Variants in NXN observed in about 807,000 individuals in gnomAD.
The protein encoded by NXN is nucleoredoxin 1.
In NXN, 16 loss-of-function variants were observed where a neutral mutation model predicts 48.6. The ratio of observed to expected loss-of-function variants is 0.33; its 90% CI spans 0.22 to 0.50. The LOEUF (loss-of-function observed/expected upper bound fraction) is 0.50, where lower values mean the gene tolerates loss of function less well. NXN is among the 20% of genes least tolerant of loss of function. The pLI, the probability that NXN is intolerant of heterozygous loss-of-function variation, is 0.98. For synonymous variants in NXN, 281 were observed against 269.6 expected (o/e 1.04, Z -0.41); for missense variants, 492 against 605.5 (o/e 0.81, Z 1.97).
chr17:824,350 C>T (rs1216392107), intron 2 of NXN, among the ~76,000 whole-genome samples: 4 of 152,192 alleles, frequency 2.6e-5, no homozygotes, highest in Admixed American at 6.6e-5. Context: ...CCTGGCCCTT[C>T]CAGGGGCTTT....
chr17:962,018 C>G (rs900302511), intron 1 of NXN, among the ~76,000 whole-genome samples: 2 of 151,352 alleles, frequency 1.3e-5, no homozygotes, highest in African/African-American at 4.8e-5. Context: ...GCCTGTAATC[C>G]CAGCTACTCA....
intron 1 of NXN, among the ~76,000 whole-genome samples, chr17:899,496 C>A (rs1471773821): frequency 6.6e-6 from 1 of 152,120 alleles, no homozygotes; most frequent in African/African-American, 2.4e-5. Flanking sequence ...CTGAGAGCTG[C>A]AAAGAAGATA....
chr17:896,195 C>T (rs1042974007), intron 1 of NXN, among the ~76,000 whole-genome samples: 2 of 152,014 alleles, frequency 1.3e-5, no homozygotes, highest in Non-Finnish European at 2.9e-5. Flanking sequence ...AAAAAATTAG[C>T]CGGGCGTGGT....
intron 5 of NXN, among the ~76,000 whole-genome samples, chr17:811,106 A>G (rs1911968992): frequency 6.6e-6 from 1 of 152,166 alleles, no homozygotes; most frequent in African/African-American, 2.4e-5. Context: ...AGGAAGAAAG[A>G]AGGAGGCGGA....
Position 822,102 on chromosome 17 carries a change from A to G in NXN, c.713+255T>C, listed in dbSNP as rs943265962. Among the ~76,000 whole-genome samples, 5 of 151,770 alleles carry G rather than the reference A, an allele frequency of 3.3e-5. No individual in the cohort carries two copies. In the South Asian group the frequency reaches 8.3e-4, roughly 25 times the overall value. On this transcript the variant is annotated intron_variant, in intron 4 of 7. Coordinates refer to ENST00000336868, the MANE Select transcript of NXN (RefSeq NM_022463.5). ...GAGACCAGCCTGGCCAACATGGTGA[A>G]ACCCCATCTCCACTAAAAATACAAA...
chr17:832,976 C>T (rs546712919), intron 1 of NXN, among the ~76,000 whole-genome samples: 27 of 152,214 alleles, frequency 1.8e-4, no homozygotes, highest in Middle Eastern at 3.4e-3. Context: ...CTGCAAGCTC[C>T]GCCTCCTGGG....
chr17:939,990 G>A (rs1327316018), intron 1 of NXN, among the ~76,000 whole-genome samples: 1 of 151,176 alleles, frequency 6.6e-6, no homozygotes, highest in Non-Finnish European at 1.5e-5. Flanking sequence ...CTGGAGTGCA[G>A]TGGTGTGATC....
At chr17:806,906 TCACA>T (rs1567808730) in intron 5 of NXN, among the ~76,000 whole-genome samples, 1 of 146,092 alleles carries the variant, frequency 6.8e-6, no homozygotes, top group Admixed American at 6.9e-5. Context: ...CACTCCGACA[TCACA>T]CACACTCACA....
At chr17:945,800 A>C (rs546295797) in intron 1 of NXN, among the ~76,000 whole-genome samples, 36 of 152,240 alleles carry the variant, frequency 2.4e-4, no homozygotes, top group African/African-American at 8.4e-4. Context: ...TCCACTGCTT[A>C]TCTCTCTCCT....
intron 5 of NXN, among the ~76,000 whole-genome samples, chr17:806,907 CACACACACTCACAT>C (rs1383639927): frequency 1.4e-5 from 2 of 144,722 alleles, no homozygotes; most frequent in East Asian, 2.0e-4. Context: ...ACTCCGACAT[CACACACACTCACAT>C]ACACACACAC....
chr17:833,456 A>G (rs1913609658), intron 1 of NXN, among the ~76,000 whole-genome samples: 1 of 152,164 alleles, frequency 6.6e-6, no homozygotes, highest in South Asian at 2.1e-4. Context: ...CTTCAGCTTA[A>G]AGAAATGATC....
In NXN at chr17:803,979, G is replaced by A. The variant is rs907668856; in HGVS notation, c.1001-173C>T. ...TTGCTCCCCGCATGCATGGGTGTGTGTGCACATGCGTCCCAGCAGCAAAGC... is the reference window on the plus strand; with the variant it reads ...TTGCTCCCCGCATGCATGGGTGTGTATGCACATGCGTCCCAGCAGCAAAGC... On this transcript the variant is annotated intron_variant, in intron 6 of 7. Coordinates refer to ENST00000336868, the MANE Select transcript of NXN (RefSeq NM_022463.5). The A allele has an allele frequency of 2.5e-4, 186 of 742,602 alleles. 1 individual carries two copies. The highest frequency in any genetic ancestry group is 1.3e-4 in the Admixed American group (5 of 38,266). The allele number at this position is 742,602 out of a possible 1,614,324, so 46.0% of individuals were successfully genotyped here.
intron 1 of NXN, among the ~76,000 whole-genome samples, chr17:955,662 C>G (rs113896319): frequency 6.7e-6 from 1 of 149,434 alleles, no homozygotes; most frequent in Non-Finnish European, 1.5e-5. Context: ...CTCGGGAGGC[C>G]GAGGCGGGCG....
chr17:915,500 G>C (rs2068679688), intron 1 of NXN, among the ~76,000 whole-genome samples: 60 of 151,484 alleles, frequency 4.0e-4, no homozygotes, highest in Admixed American at 2.6e-4. Flanking sequence ...GCCCAGACTG[G>C]TCTCAAACTC....
intron 1 of NXN, among the ~76,000 whole-genome samples, chr17:890,248 A>C (rs1435978547): frequency 6.6e-6 from 1 of 152,162 alleles, no homozygotes; most frequent in African/African-American, 2.4e-5. Context: ...GAACATCACA[A>C]AGCACCAGCA....
rs1194860049 is a variant in NXN at position 919,737 on chromosome 17, C to T, written c.360+59582G>A. 3.3e-5 allele frequency among the ~76,000 whole-genome samples: 5 copies of T among 152,102 alleles called. No individual in the cohort carries two copies. Among genetic ancestry groups the T allele is most frequent in the South Asian group, 2.1e-4 (1 of 4,814 alleles). ...ACAACAACTGAAAATAATATTGGAACGCAGTCCAGAAAATACAACTAGGGG... is the reference window on the plus strand; with the variant it reads ...ACAACAACTGAAAATAATATTGGAATGCAGTCCAGAAAATACAACTAGGGG... On this transcript the variant is annotated intron_variant, in intron 1 of 7. Coordinates refer to ENST00000336868, the MANE Select transcript of NXN (RefSeq NM_022463.5). This position sits in a 1 kb window ranked among gnomAD's most constrained non-coding sequence, Gnocchi z 5.1.
Position 819,894 on chromosome 17 carries a change from T to C in NXN, c.714-349A>G, listed in dbSNP as rs544232584. 3.5e-4 allele frequency among the ~76,000 whole-genome samples: 53 copies of C among 152,250 alleles called. No individual in the cohort carries two copies. In the East Asian group the frequency reaches 0.01, roughly 29 times the overall value. The stretch of plus-strand genomic sequence containing the variant: ...ACAGCCACTGCATACCCGCGGGAGT[T>C]CTAATTTGTGCACGGAACAGTGACT... On this transcript the variant is annotated intron_variant, in intron 4 of 7. Transcript: ENST00000336868.
chr17:976,654 T>C (rs534606643), intron 1 of NXN, among the ~76,000 whole-genome samples: 45 of 152,178 alleles, frequency 3.0e-4, no homozygotes, highest in Non-Finnish European at 5.7e-4. Flanking sequence ...ATGGGGAAAT[T>C]AGCATCATTA....
intron 1 of NXN, among the ~76,000 whole-genome samples, chr17:926,340 C>T (rs1357325418): frequency 6.6e-6 from 1 of 152,096 alleles, no homozygotes; most frequent in Non-Finnish European, 1.5e-5. Flanking sequence ...GCATGCACCA[C>T]TACACCCGGC....
Sources: allele counts gnomAD v4.1 joint callset (sites outside exome capture counted in the v4.1 genomes callset), GRCh38; gene constraint gnomAD v4.1.1; non-coding constraint Gnocchi (gnomAD v3.1); transcripts MANE v1.5; gene names NCBI Gene and HGNC (gene_info 2026-07-23, HGNC 2026-07-21).